Variants in STIM1 observed in about 807,000 individuals in gnomAD.
STIM1 encodes stromal interaction molecule 1.
A neutral mutation model predicts 74.7 loss-of-function variants in STIM1; 25 were observed. That is an observed-to-expected ratio of 0.33 (90% CI 0.24 to 0.47). STIM1 has a LOEUF of 0.47. STIM1 is among the 20% of genes least tolerant of loss of function. The probability of loss-of-function intolerance (pLI) is 1.00; values close to 1 mark genes in which losing one functional copy is unlikely to be tolerated. For synonymous variants in STIM1, 328 were observed against 348.8 expected, an observed-to-expected ratio of 0.94 and a Z score of 0.66; for missense variants, 728 against 920.8, an observed-to-expected ratio of 0.79 and a Z score of 2.71.
At position 4,074,655 on chromosome 11, in the gene STIM1, A is replaced by T; in HGVS notation, c.945A>T (p.Lys315Asn). 1 of 1,570,852 alleles carries T rather than the reference A, an allele frequency of 6.4e-7. No individual in the cohort carries two copies. Among genetic ancestry groups the T allele is most frequent in the Middle Eastern group, 1.7e-4 (1 of 5,996 alleles). Residue 315 changes from lysine to asparagine, a missense_variant, in exon 7 of 13, where the codon AAA (lysine) becomes AAT (asparagine). Coordinates refer to ENST00000526596, the MANE Select transcript of STIM1 (RefSeq NM_001382567.1). ...EGTENERSRQ[K>N]YAEEELEQVR... ...CTGAGAATGAGCGGAGCCGCCAAAA[A>T]TATGCTGAGGAGGAGTTGGAGCAGG...
chr11:3,940,925 A>G (rs188651830), intron 1 of STIM1, among the ~76,000 whole-genome samples: 289 of 152,308 alleles, frequency 1.9e-3, no homozygotes, highest in Non-Finnish European at 3.7e-3. Context: ...TGTACTCTTC[A>G]GTGTAGTGTA....
chr11:3,908,285 G>T (rs1041597332), intron 1 of STIM1, among the ~76,000 whole-genome samples: 2 of 152,124 alleles, frequency 1.3e-5, no homozygotes, highest in Non-Finnish European at 2.9e-5. Context: ...AGTCTTGCAG[G>T]ATACTACTAT....
intron 3 of STIM1, among the ~76,000 whole-genome samples, chr11:4,040,103 A>G (rs1319985310): frequency 2.6e-5 from 4 of 152,136 alleles, no homozygotes; most frequent in Admixed American, 6.5e-5. Context: ...GTTTATTTAT[A>G]TTTTAATGCT....
At chr11:3,870,535 C>T (rs967982949) in intron 1 of STIM1, among the ~76,000 whole-genome samples, 6 of 152,138 alleles carry the variant, frequency 3.9e-5, no homozygotes, top group Non-Finnish European at 8.8e-5. Flanking sequence ...CTCATTCTGT[C>T]GCCCACACTG....
At chr11:4,030,692 G>A (rs947371604) in intron 3 of STIM1, among the ~76,000 whole-genome samples, 10 of 152,058 alleles carry the variant, frequency 6.6e-5, no homozygotes, top group African/African-American at 9.7e-5. Context: ...AAAACAACTA[G>A]CATCCATGTA....
chr11:3,981,875 C>T (rs1223932608), intron 2 of STIM1, among the ~76,000 whole-genome samples: 1 of 152,006 alleles, frequency 6.6e-6, no homozygotes, highest in Non-Finnish European at 1.5e-5. Context: ...CTGAGAATGC[C>T]CAAAGGCTAT....
chr11:3,926,822 C>T (rs767076025), intron 1 of STIM1, among the ~76,000 whole-genome samples: 8 of 152,168 alleles, frequency 5.3e-5, no homozygotes, highest in Non-Finnish European at 8.8e-5. Flanking sequence ...AGAACCACTC[C>T]AGTGAGGAGA....
chr11:4,062,411 G>A (rs545153595), intron 5 of STIM1, among the ~76,000 whole-genome samples: 1 of 152,292 alleles, frequency 6.6e-6, no homozygotes, highest in East Asian at 1.9e-4. Flanking sequence ...CCTGAGGACA[G>A]GAGTTTGAGA....
chr11:4,084,602 AC>A (rs2133231400), intron 10 of STIM1, 70 bp from the exon 11 acceptor site: 7 of 1,207,850 alleles, frequency 5.8e-6, no homozygotes, highest in Non-Finnish European at 7.6e-6. Flanking sequence ...TTCCTTTATT[AC>A]ATTGATGGCA....
chr11:3,937,781 T>C (rs1397280504), intron 1 of STIM1, among the ~76,000 whole-genome samples: 2 of 152,188 alleles, frequency 1.3e-5, no homozygotes, highest in East Asian at 1.9e-4. Flanking sequence ...GAAGTGTTTC[T>C]AGCTTCCACC....
At chr11:4,001,344 G>A (rs1234099257) in intron 2 of STIM1, among the ~76,000 whole-genome samples, 4 of 151,876 alleles carry the variant, frequency 2.6e-5, no homozygotes, top group Admixed American at 6.6e-5. Flanking sequence ...GAGAAAGGTC[G>A]GGTTACCTTC....
At chr11:3,868,275 G>A (rs1314230332) in intron 1 of STIM1, 1 of 152,230 alleles carries the variant, frequency 6.6e-6, no homozygotes, top group Non-Finnish European at 1.5e-5. Context: ...AACTTCGATG[G>A]TAAGAATGAT....
chr11:3,979,784 G>T (rs1277962932), intron 2 of STIM1, among the ~76,000 whole-genome samples: 2 of 152,104 alleles, frequency 1.3e-5, no homozygotes, highest in Non-Finnish European at 2.9e-5. Context: ...GCTTCGGTCT[G>T]GCTCCAATCT....
At chr11:3,920,988 GT>G (rs2092710512) in intron 1 of STIM1, among the ~76,000 whole-genome samples, 1 of 151,986 alleles carries the variant, frequency 6.6e-6, no homozygotes, top group Non-Finnish European at 1.5e-5. Context: ...TAGAGACGGG[GT>G]TTCACCATGT....
At chr11:3,993,002 T>C (rs60603267) in intron 2 of STIM1, among the ~76,000 whole-genome samples, 1,559 of 151,906 alleles carry the variant, frequency 0.01, 30 homozygotes, top group African/African-American at 0.036. Context: ...CAAGTCTCAA[T>C]AGTCTCCTAG....
chr11:3,881,960 C>T (rs1019602238), intron 1 of STIM1, among the ~76,000 whole-genome samples: 10 of 151,976 alleles, frequency 6.6e-5, no homozygotes, highest in African/African-American at 1.9e-4. Flanking sequence ...ATGTGAGCCA[C>T]GGCGCCCGGC....
At chr11:4,029,864 G>A (rs910086348) in intron 3 of STIM1, among the ~76,000 whole-genome samples, 3 of 152,152 alleles carry the variant, frequency 2.0e-5, no homozygotes, top group African/African-American at 7.2e-5. Flanking sequence ...GTTTGGTGAT[G>A]TTTTTGTGAC....
chr11:3,969,823 T>C (rs2093374435), intron 2 of STIM1, among the ~76,000 whole-genome samples: 1 of 152,218 alleles, frequency 6.6e-6, no homozygotes, highest in Non-Finnish European at 1.5e-5. Flanking sequence ...TGTAGGTTCT[T>C]GAGCAAAGAC....
chr11:3,953,788 T>C (rs1340959020), intron 1 of STIM1, among the ~76,000 whole-genome samples: 1 of 149,384 alleles, frequency 6.7e-6, no homozygotes, highest in African/African-American at 2.4e-5. Flanking sequence ...TTCTTTCTTT[T>C]TTTTTTTTTT....
Sources: gnomAD v4.1 joint callset for allele counts (sites outside exome capture counted in the v4.1 genomes callset) on GRCh38, gnomAD v4.1.1 for gene constraint, MANE v1.5 for transcripts, NCBI Gene and HGNC (gene_info 2026-07-23, HGNC 2026-07-21) for gene names.